ZBTB40: variants seen among roughly 807,000 people sequenced by gnomAD.
ZBTB40 encodes the protein zinc finger and BTB domain-containing protein 40.
Under a neutral mutation model 117.5 loss-of-function variants are expected in ZBTB40, and 60 were observed. The observed-to-expected ratio is 0.51, with a 90% confidence interval of 0.41 to 0.63. The LOEUF is 0.63. Ranked by LOEUF, ZBTB40 falls within the 30% of genes least tolerant of loss-of-function variation. The pLI is 0.00. For synonymous variants in ZBTB40, 525 were observed against 577.1 expected (o/e 0.91, Z 1.29); for missense variants, 1,287 against 1,498.5 (o/e 0.86, Z 2.33).
chr1:22,467,786 T>G (rs1243447146), intron 1 of ZBTB40, among the ~76,000 whole-genome samples: 1 of 151,504 alleles, frequency 6.6e-6, no homozygotes, highest in African/African-American at 2.4e-5. Flanking sequence ...GTTTTTTTTT[T>G]TTTTTTTTTC....
chr1:22,451,273 G>GA (rs1640862883), upstream of ZBTB40, among the ~76,000 whole-genome samples: 1 of 152,144 alleles, frequency 6.6e-6, no homozygotes. Flanking sequence ...TGTTGTTTTG[G>GA]AAAAACGAAG....
intron 9 of ZBTB40, among the ~76,000 whole-genome samples, chr1:22,509,664 A>C (rs927802136): frequency 6.6e-6 from 1 of 152,098 alleles, no homozygotes; most frequent in Non-Finnish European, 1.5e-5. Flanking sequence ...CAATATCTGT[A>C]CCCCTTGCTA....
At chr1:22,510,862 A>G (rs1472457451) in intron 9 of ZBTB40, among the ~76,000 whole-genome samples, 1 of 152,242 alleles carries the variant, frequency 6.6e-6, no homozygotes, top group Admixed American at 6.5e-5. Context: ...ATTAAGATCC[A>G]GAAAAGGTCT....
chr1:22,517,316 C>T lies in ZBTB40; in HGVS notation c.2685C>T (p.Cys895=). The part of the protein sequence containing the change: ...KKHSEGKMYA[C]QYCDAVFAQS... ...TATTTGCAGGGAAAATGTATGCATG[C>T]CAGTACTGTGATGCTGTGTTTGCCC... The change falls in exon 13 of 18, where the codon TGC becomes TGT. Residue 895 remains cysteine, a synonymous_variant. Transcript: ENST00000375647. 6.2e-7 allele frequency: 1 copy of T among 1,614,138 alleles called. No individual in the cohort carries two copies. The highest frequency in any genetic ancestry group is 1.7e-5 in the Admixed American group (1 of 60,024).
chr1:22,519,338 A>G (rs535119548), intron 13 of ZBTB40, among the ~76,000 whole-genome samples: 23 of 152,352 alleles, frequency 1.5e-4, no homozygotes, highest in African/African-American at 5.1e-4. Context: ...GGCATATCCA[A>G]TCAAGCATGT....
Position 22,508,156 on chromosome 1 carries a change from CAG to C in ZBTB40, c.1497+22_1497+23del, listed in dbSNP as rs746883203. The C allele has an allele frequency of 3.4e-5, 55 of 1,612,316 alleles. No individual in the cohort carries two copies. The highest frequency in any genetic ancestry group is 4.5e-5 in the Non-Finnish European group (53 of 1,179,556). ...AAGAGAGGTAAGAGAGGGAGAGAAA[CAG>C]AGGGAGGGGAGGGTAAAATGAGAAA... is the stretch of plus-strand genomic sequence containing the variant. On this transcript the variant is annotated intron_variant, in intron 7 of 17. Coordinates refer to ENST00000375647, the MANE Select transcript of ZBTB40 (RefSeq NM_014870.4).
At chr1:22,508,456 C>A in intron 7 of ZBTB40, 74 bp from the exon 8 acceptor site, 1 of 1,554,350 alleles carries the variant, frequency 6.4e-7, no homozygotes, top group South Asian at 1.1e-5. Flanking sequence ...AACCCAATAT[C>A]TAGACTTGCA....
At chr1:22,452,930 A>G (rs1268174930) in intron 1 of ZBTB40, 1 of 152,326 alleles carries the variant, frequency 6.6e-6, no homozygotes, top group Admixed American at 6.5e-5. Flanking sequence ...GTTCTACTTT[A>G]TGACGACGCT....
upstream of ZBTB40, chr1:22,451,834 G>T (rs1640877375): frequency 1.3e-5 from 2 of 152,232 alleles, no homozygotes; most frequent in South Asian, 4.1e-4. Flanking sequence ...GGCAGGTCGG[G>T]CCGCCCCCTC....
chr1:22,469,450 G>A (rs1464751195), intron 1 of ZBTB40, among the ~76,000 whole-genome samples: 1 of 152,196 alleles, frequency 6.6e-6, no homozygotes, highest in Non-Finnish European at 1.5e-5. Flanking sequence ...CTCCTGAGGA[G>A]CTGGGACTAC....
In ZBTB40 at chr1:22,468,643, C is replaced by CTTTTTTTTTTT. The variant is rs71020424; in HGVS notation, c.-70+16658_-70+16668dup. Among the ~76,000 whole-genome samples, 14 of 28,608 alleles carry CTTTTTTTTTTT rather than the reference C, an allele frequency of 4.9e-4. 1 individual carries two copies. Among genetic ancestry groups the CTTTTTTTTTTT allele is most frequent in the East Asian group, 2.5e-3 (2 of 786 alleles). The allele number at this position is 28,608 out of a possible 152,430, so 18.8% of individuals were successfully genotyped here. ...GGCATGTGCCACCATGCCTGGCTGG[C>CTTTTTTTTTTT]TTTTTTTTTTTTTTTTTTTTTTTTT... is the stretch of plus-strand genomic sequence containing the variant. On this transcript the variant is annotated intron_variant, in intron 1 of 17. Coordinates refer to ENST00000375647, the MANE Select transcript of ZBTB40 (RefSeq NM_014870.4).
intron 1 of ZBTB40, among the ~76,000 whole-genome samples, chr1:22,488,372 C>T (rs1447782527): frequency 1.3e-5 from 2 of 152,056 alleles, no homozygotes; most frequent in East Asian, 1.9e-4. Context: ...ACAAAGCAGA[C>T]GAAGGAGCGG....
At chr1:22,447,003 T>C (rs958113800), upstream of ZBTB40, among the ~76,000 whole-genome samples, 3 of 151,490 alleles carry the variant, frequency 2.0e-5, no homozygotes, top group African/African-American at 4.9e-5. Context: ...CTCAGGGAGA[T>C]GAGGCAGCAG....
chr1:22,524,445 G>T lies in ZBTB40; in HGVS notation c.3525+1G>T. 6.2e-7 allele frequency: 1 copy of T among 1,612,990 alleles called. No individual in the cohort carries two copies. Among genetic ancestry groups the T allele is most frequent in the Non-Finnish European group, 8.5e-7 (1 of 1,180,018 alleles). On this transcript the variant is annotated splice_donor_variant, in intron 17 of 17. Transcript: ENST00000375647. LOFTEE classifies it high-confidence loss of function. ...GGCCGCAGCCTCACAGATGGCGCAG[G>T]TGATTCTGGGGCCATCAGCTACATT...
intron 11 of ZBTB40, among the ~76,000 whole-genome samples, chr1:22,512,626 A>C (rs1639271497): frequency 6.6e-6 from 1 of 152,280 alleles, no homozygotes; most frequent in Admixed American, 6.5e-5. Flanking sequence ...GAGTTTCCCT[A>C]GTTCTGGGTG....
chr1:22,439,119 G>GC (rs1323958666), intron 1 of ZBTB40, among the ~76,000 whole-genome samples: 1 of 152,118 alleles, frequency 6.6e-6, no homozygotes, highest in Non-Finnish European at 1.5e-5. Context: ...ACCCGCCTTG[G>GC]CCCCCCAAAG....
intron 1 of ZBTB40, among the ~76,000 whole-genome samples, chr1:22,436,266 C>G (rs1569735399): frequency 6.6e-6 from 1 of 152,074 alleles, no homozygotes; most frequent in African/African-American, 2.4e-5. Context: ...AATCCCAGCA[C>G]TTTGGGAGGG....
intron 9 of ZBTB40, among the ~76,000 whole-genome samples, chr1:22,510,486 A>G (rs1639202245): frequency 6.6e-6 from 1 of 152,240 alleles, no homozygotes; most frequent in African/African-American, 2.4e-5. Context: ...ACTTGAAAAG[A>G]GCAGAAATAA....
At chr1:22,491,287 CAG>C in intron 2 of ZBTB40, 111 bp from the exon 3 acceptor site, 1 of 1,043,272 alleles carries the variant, frequency 9.6e-7, no homozygotes, top group South Asian at 1.3e-5. Flanking sequence ...ATGTGCTAGA[CAG>C]AGATCAGTTA....
Sources: gnomAD v4.1 joint callset for allele counts (sites outside exome capture counted in the v4.1 genomes callset) on GRCh38, gnomAD v4.1.1 for gene constraint, MANE v1.5 for transcripts, NCBI Gene and HGNC (gene_info 2026-07-23, HGNC 2026-07-21) for gene names.